The following TTC28 variants were observed in gnomAD, a reference collection of about 807,000 sequenced individuals.
The protein encoded by TTC28 is tetratricopeptide repeat domain 28.
A neutral mutation model predicts 198.0 loss-of-function variants in TTC28; 61 were observed. The ratio of observed to expected loss-of-function variants is 0.31; its 90% confidence interval spans 0.25 to 0.38. The LOEUF is 0.38. Among genes scored for constraint, TTC28 ranks in the 10% least tolerant of loss-of-function variants. The pLI, the probability that TTC28 is intolerant of heterozygous loss-of-function variation, is 1.00. For missense variants in TTC28, 2,678 were observed against 3,164.0 expected, an observed-to-expected ratio of 0.85 and a Z score of 3.69; for synonymous variants, 1,171 against 1,297.8, an observed-to-expected ratio of 0.90 and a Z score of 2.10.
intron 5 of TTC28, among the ~76,000 whole-genome samples, chr22:28,216,513 A>C (rs1055373762): frequency 6.6e-6 from 1 of 152,158 alleles, no homozygotes; most frequent in Non-Finnish European, 1.5e-5. Context: ...GATTGTGTTT[A>C]TATCATCTTT....
intron 2 of TTC28, among the ~76,000 whole-genome samples, chr22:28,568,827 T>C (rs2050018834): frequency 6.6e-6 from 1 of 152,154 alleles, no homozygotes. Context: ...AATACCTTTT[T>C]CACAGAATTA....
Position 28,312,455 on chromosome 22 carries a change from T to C in TTC28, c.382-5812A>G, listed in dbSNP as rs556521344. 8.5e-5 allele frequency among the ~76,000 whole-genome samples: 13 copies of C among 152,242 alleles called. No individual in the cohort carries two copies. In the South Asian group the frequency reaches 2.5e-3, roughly 29 times the overall value. On this transcript the variant is annotated intron_variant, in intron 2 of 22. Transcript: ENST00000397906. ...ACTTATTCTAAAATTGACCACATAA[T>C]TGGAAGTAAAACACTCCTCAGCAAA... is the stretch of plus-strand genomic sequence containing the variant.
At chr22:28,171,622 CA>C (rs5844804) in intron 5 of TTC28, among the ~76,000 whole-genome samples, 45,705 of 104,516 alleles carry the variant, frequency 0.44, 6,113 homozygotes, top group East Asian at 0.48. Flanking sequence ...GGCATATTTG[CA>C]AAAAAAAAAA....
chr22:28,474,465 C>T (rs541932974), intron 2 of TTC28, among the ~76,000 whole-genome samples: 3 of 152,296 alleles, frequency 2.0e-5, no homozygotes, highest in South Asian at 2.1e-4. Flanking sequence ...CCTCTTATTG[C>T]AAAGCCTGAA....
rs1335446117 is a variant in TTC28, at chr22:28,079,437, G to C, written c.3932+14643C>G. On this transcript the variant is annotated intron_variant, in intron 12 of 22. Coordinates refer to ENST00000397906, the MANE Select transcript of TTC28 (RefSeq NM_001145418.2). ...TGGTAGTGTTAACTATATGTATCTTGTGTGCAACAAATCTCAAGAAATTTT... is the reference window on the plus strand; with the variant it reads ...TGGTAGTGTTAACTATATGTATCTTCTGTGCAACAAATCTCAAGAAATTTT... 3.3e-5 allele frequency among the ~76,000 whole-genome samples: 5 copies of C among 151,958 alleles called. No homozygotes were observed. In the East Asian group the frequency reaches 9.6e-4, roughly 29 times the overall value.
At position 28,108,096 on chromosome 22, in the gene TTC28, G is replaced by A. The variant is rs1274678856; in HGVS notation, c.1749C>T (p.Ile583=). Reference sequence around the variant, plus strand: ...TCTGGATGTCTCGTAGCTCCCGGGCGATGTTCAAGTGGTTCTGATAGTGTT... The same window carrying A: ...TCTGGATGTCTCGTAGCTCCCGGGCAATGTTCAAGTGGTTCTGATAGTGTT... The part of the protein sequence containing the change: ...ALQHYQNHLN[I]ARELRDIQSE... The change falls in exon 7 of 23, where the codon ATC becomes ATT. Residue 583 remains isoleucine (I), a synonymous_variant. Coordinates refer to ENST00000397906, the MANE Select transcript of TTC28 (RefSeq NM_001145418.2). 22 of 1,551,530 alleles carry A rather than the reference G, an allele frequency of 1.4e-5. No homozygotes were observed. Among genetic ancestry groups the A allele is most frequent in the Admixed American group, 7.8e-5 (4 of 50,984 alleles).
In TTC28 at chr22:28,094,085, G is replaced by A; in HGVS notation, c.3927C>T (p.Tyr1309=). 2 of 1,542,290 alleles carry A rather than the reference G, an allele frequency of 1.3e-6. No homozygotes were observed. The highest frequency in any genetic ancestry group is 1.7e-6 in the Non-Finnish European group (2 of 1,144,318). The change falls in exon 12 of 23, where the codon TAC becomes TAT. Residue 1309 remains tyrosine, a synonymous_variant. Coordinates refer to ENST00000397906, the MANE Select transcript of TTC28 (RefSeq NM_001145418.2). ...VREALGVESH[Y]SRACASSETE... ...GGGGATGTTTTACTACCTACCTTGAGTAGTGAGACTCCACCCCCAGGGCCT... is the reference window on the plus strand; with the variant it reads ...GGGGATGTTTTACTACCTACCTTGAATAGTGAGACTCCACCCCCAGGGCCT...
At chr22:28,547,194 ATGTG>A (rs1399708174) in intron 2 of TTC28, among the ~76,000 whole-genome samples, 8 of 150,866 alleles carry the variant, frequency 5.3e-5, no homozygotes, top group African/African-American at 1.7e-4. Flanking sequence ...ATCTCTCTGC[ATGTG>A]TGTATGTGTG....
chr22:28,156,125 T>G (rs1198989463), intron 6 of TTC28, among the ~76,000 whole-genome samples: 1 of 152,234 alleles, frequency 6.6e-6, no homozygotes, highest in Non-Finnish European at 1.5e-5. Flanking sequence ...TGACATCCCC[T>G]GCAATGTGTC....
At chr22:28,671,425 G>A (rs1749681239) in intron 1 of TTC28, among the ~76,000 whole-genome samples, 1 of 151,888 alleles carries the variant, frequency 6.6e-6, no homozygotes, top group African/African-American at 2.4e-5. Context: ...CACGAGGTCA[G>A]GAGATCGAGA....
intron 1 of TTC28, among the ~76,000 whole-genome samples, chr22:28,648,596 T>A (rs576439293): frequency 3.9e-5 from 6 of 152,168 alleles, no homozygotes; most frequent in Admixed American, 3.9e-4. Context: ...CCAACCTAAA[T>A]GCCCACTGAT....
intron 2 of TTC28, among the ~76,000 whole-genome samples, chr22:28,436,030 A>C (rs1281051424): frequency 6.6e-6 from 1 of 152,234 alleles, no homozygotes; most frequent in Non-Finnish European, 1.5e-5. Context: ...AGTGGCGTTT[A>C]GTACATGCAC....
chr22:28,292,189 T>C (rs545333695), intron 5 of TTC28, among the ~76,000 whole-genome samples: 89 of 152,214 alleles, frequency 5.8e-4, no homozygotes, highest in African/African-American at 2.0e-3. Flanking sequence ...CTAATAAATA[T>C]TAACTTTTAT....
At chr22:28,118,491 T>C (rs1247589418) in intron 6 of TTC28, among the ~76,000 whole-genome samples, 1 of 152,202 alleles carries the variant, frequency 6.6e-6, no homozygotes, top group Non-Finnish European at 1.5e-5. Context: ...CATAAGATTA[T>C]AATACCATAT....
chr22:28,183,607 C>T (rs1923911306), intron 5 of TTC28, among the ~76,000 whole-genome samples: 2 of 152,178 alleles, frequency 1.3e-5, no homozygotes, highest in African/African-American at 4.8e-5. Context: ...GAGGCAAGTG[C>T]TGTCACTATT....
At chr22:28,640,567 A>AAATAAT (rs139282856) in intron 1 of TTC28, among the ~76,000 whole-genome samples, 44,437 of 147,160 alleles carry the variant, frequency 0.3, 7,584 homozygotes, top group South Asian at 0.4. Flanking sequence ...CAAACTGTTA[A>AAATAAT]AATAATAATA....
chr22:28,578,639 G>C (rs1207686945), intron 2 of TTC28, among the ~76,000 whole-genome samples: 1 of 152,088 alleles, frequency 6.6e-6, no homozygotes. Flanking sequence ...TAAGGAAAAA[G>C]GTACTGAAGA....
intron 2 of TTC28, among the ~76,000 whole-genome samples, chr22:28,314,353 G>GA (rs1205610631): frequency 2.6e-5 from 4 of 152,056 alleles, no homozygotes; most frequent in East Asian, 1.9e-4. Context: ...CACAGAATTG[G>GA]AAAAAACTAC....
At chr22:28,314,826 T>G (rs1272358255) in intron 2 of TTC28, among the ~76,000 whole-genome samples, 1 of 152,108 alleles carries the variant, frequency 6.6e-6, no homozygotes, top group African/African-American at 2.4e-5. Context: ...TGAGCTATGA[T>G]GGTTCCACTG....
Sources: gnomAD v4.1 joint callset for allele counts (sites outside exome capture counted in the v4.1 genomes callset) on GRCh38, gnomAD v4.1.1 for gene constraint, MANE v1.5 for transcripts, NCBI Gene and HGNC (gene_info 2026-07-23, HGNC 2026-07-21) for gene names.